Variants in TMBIM1 observed in about 807,000 individuals in gnomAD.
TMBIM1 encodes the protein transmembrane BAX inhibitor motif containing 1.
Under a neutral mutation model 45.1 loss-of-function variants are expected in TMBIM1, and 34 were observed. The observed-to-expected ratio is 0.75, with a 90% CI of 0.57 to 1.00. The LOEUF (loss-of-function observed/expected upper bound fraction) is 1.00, where lower values mean the gene tolerates loss of function less well. Ranked by LOEUF, TMBIM1 falls within the 50% of genes least tolerant of loss-of-function variation. The pLI is 0.00. For synonymous variants in TMBIM1, 157 were observed against 153.5 expected (o/e 1.02, Z -0.17); for missense variants, 374 against 402.4 (o/e 0.93, Z 0.60).
At chr2:218,279,979 C>A in intron 3 of TMBIM1, 47 bp downstream of exon 3, 1 of 1,484,078 alleles carries the variant, frequency 6.7e-7, no homozygotes, top group Non-Finnish European at 9.4e-7. Flanking sequence ...CCCATTCCCA[C>A]AGCCTGAGGG....
In TMBIM1 at chr2:218,282,097, G is replaced by A. The variant is rs1260302205; in HGVS notation, c.45C>T (p.Pro15=). Residue 15 remains proline, a synonymous_variant, in exon 2 of 12, where the codon CCC becomes CCT. Transcript: ENST00000258412. ...SAPPPYEDRN[P]LYPGPPPPGG... is the part of the protein sequence containing the mutation. ...CAGGGGGCGGAGGGCCTGGGTACAG[G>A]GGGTTGCGGTCTTCATATGGTGGTG... The A allele has an allele frequency of 1.9e-6, 3 of 1,563,742 alleles. No individual in the cohort carries two copies. Among genetic ancestry groups the A allele is most frequent in the Non-Finnish European group, 2.6e-6 (3 of 1,155,938 alleles).
chr2:218,277,818 C>A, intron 7 of TMBIM1, 117 bp downstream of exon 7: 2 of 1,550,010 alleles, frequency 1.3e-6, no homozygotes, highest in South Asian at 1.1e-5. Flanking sequence ...AACAGGCGGC[C>A]CAGATAAGGT....
At chr2:218,276,864 T>C in intron 10 of TMBIM1, 140 bp downstream of exon 10, 1 of 682,800 alleles carries the variant, frequency 1.5e-6, no homozygotes, top group Admixed American at 2.3e-5. Context: ...GCCTCCACGT[T>C]GGTGCCTTTG....
chr2:218,278,933 C>A, intron 5 of TMBIM1, 105 bp downstream of exon 5: 1 of 1,350,390 alleles, frequency 7.4e-7, no homozygotes, highest in South Asian at 1.3e-5. Flanking sequence ...ACTTGGGGGC[C>A]CTCTCAAAAA....
At chr2:218,276,551 A>G (rs1055594836) in intron 10 of TMBIM1, among the ~76,000 whole-genome samples, 2 of 152,170 alleles carry the variant, frequency 1.3e-5, no homozygotes, top group African/African-American at 2.4e-5. Flanking sequence ...GAGCTGGCCC[A>G]TGGGCAGGCA....
At chr2:218,278,672 G>A (rs1691522151) in intron 5 of TMBIM1, 107 bp from the exon 6 acceptor site, 2 of 1,228,730 alleles carry the variant, frequency 1.6e-6, no homozygotes, top group African/African-American at 3.0e-5. Context: ...GAAGTCTGAG[G>A]GGAAGCAACT....
intron 3 of TMBIM1, 77 bp from the exon 4 acceptor site, chr2:218,279,430 T>C: frequency 7.5e-7 from 1 of 1,337,734 alleles, no homozygotes; most frequent in East Asian, 2.5e-5. Flanking sequence ...CCCCCAGTAC[T>C]TTCCTCCCAC....
chr2:218,276,209 A>G (rs1301674521), intron 10 of TMBIM1, 130 bp from the exon 11 acceptor site: 10 of 937,830 alleles, frequency 1.1e-5, no homozygotes, highest in Non-Finnish European at 1.6e-5. Context: ...ATGAAAGGCT[A>G]CTGCCTTTCC....
At position 218,281,980 on chromosome 2, in the gene TMBIM1, T is replaced by C. The variant is rs891398692; in HGVS notation, c.162A>G (p.Pro54=). 3 of 1,605,886 alleles carry C rather than the reference T, an allele frequency of 1.9e-6. No individual in the cohort carries two copies. The highest frequency in any genetic ancestry group is 2.5e-6 in the Non-Finnish European group (3 of 1,177,320). ...QPGYGHPAGY[P]QPMPPTHPMP... is the part of the protein sequence containing the mutation. ...TCGGGTGGGTGGGGGGCATGGGCTG[T>C]GGGTAGCCAGCAGGGTGACCGTAGC... The change falls in exon 2 of 12, where the codon CCA becomes CCG. Residue 54 remains proline, a synonymous_variant. Coordinates refer to ENST00000258412, the MANE Select transcript of TMBIM1 (RefSeq NM_022152.6).
At position 218,275,595 on chromosome 2, in the gene TMBIM1, G is replaced by C. The variant is rs373791088; in HGVS notation, c.816C>G (p.Val272=). 1 of 1,613,512 alleles carries C rather than the reference G, an allele frequency of 6.2e-7. No individual in the cohort carries two copies. The highest frequency in any genetic ancestry group is 1.7e-5 in the Admixed American group (1 of 59,890). ...TGATGGTGTGCTTCCGGTTCCCCAGGACCAGCTGTGTGTCGTAAGCCAGGA... is the reference window on the plus strand; with the variant it reads ...TGATGGTGTGCTTCCGGTTCCCCAGCACCAGCTGTGTGTCGTAAGCCAGGA... ...TLFLAYDTQL[V]LGNRKHTISP... is the part of the protein sequence containing the mutation. Residue 272 remains valine (V), a synonymous_variant, in exon 12 of 12, where the codon GTC becomes GTG. Coordinates refer to ENST00000258412, the MANE Select transcript of TMBIM1 (RefSeq NM_022152.6).
In TMBIM1 at chr2:218,277,416, T is replaced by A. The variant is rs762593876; in HGVS notation, c.589A>T (p.Ile197Phe). 6.2e-7 allele frequency: 1 copy of A among 1,614,130 alleles called. No individual in the cohort carries two copies. The highest frequency in any genetic ancestry group is 1.7e-5 in the Admixed American group (1 of 60,024). ...QTKAVIIAMI[I>F]TAVVSISVTI... ...ACTGAAATGGATACCACCGCAGTGA[T>A]GATCATTGCAATGATGACGGCTTTG... The change falls in exon 9 of 12, where the codon ATC (isoleucine) becomes TTC (phenylalanine). Residue 197 changes from isoleucine (I) to phenylalanine (F), a missense_variant. By Grantham distance (21) the Ile-to-Phe change is conservative (BLOSUM62 0). Transcript: ENST00000258412.
At chr2:218,290,702 A>T (rs550731135) in intron 1 of TMBIM1, among the ~76,000 whole-genome samples, 1 of 152,180 alleles carries the variant, frequency 6.6e-6, no homozygotes, top group Non-Finnish European at 1.5e-5. Context: ...GCTCATTAAT[A>T]TCTCCCTTCC....
At position 218,274,598 on chromosome 2, in the gene TMBIM1, T is replaced by A. The variant is rs1329888694; in HGVS notation, c.*877A>T. Reference sequence around the variant, plus strand: ...CTCCCTGCCCGCACCGAGTCTCTCTTCACCCTGGCTACTTCCTGGCCACAC... The same window carrying A: ...CTCCCTGCCCGCACCGAGTCTCTCTACACCCTGGCTACTTCCTGGCCACAC... On this transcript the variant is annotated 3_prime_UTR_variant, in exon 12 of 12. Transcript: ENST00000258412. 2.6e-5 allele frequency: 4 copies of A among 155,328 alleles called. No homozygotes were observed. Among genetic ancestry groups the A allele is most frequent in the African/African-American group, 9.6e-5 (4 of 41,486 alleles). The allele number at this position is 155,328 out of a possible 1,614,324, so 9.6% of individuals were successfully genotyped here. A position where few individuals can be genotyped will look rare whatever the true frequency, so the allele number is the denominator to read the frequency against.
At chr2:218,276,767 C>G (rs931320953) in intron 10 of TMBIM1, among the ~76,000 whole-genome samples, 1 of 152,122 alleles carries the variant, frequency 6.6e-6, no homozygotes, top group Non-Finnish European at 1.5e-5. Context: ...CCTAGGAGTG[C>G]AGTGATGCAG....
intron 1 of TMBIM1, among the ~76,000 whole-genome samples, chr2:218,282,778 A>G (rs1692157106): frequency 6.6e-6 from 1 of 152,228 alleles, no homozygotes; most frequent in Non-Finnish European, 1.5e-5. Context: ...CCCGGGGGCC[A>G]GTGGCAGGCT....
chr2:218,287,203 T>C (rs13031757), intron 1 of TMBIM1: 53,436 of 151,928 alleles, frequency 0.35, 9,827 homozygotes, highest in Middle Eastern at 0.5. Flanking sequence ...ACTTTGGATC[T>C]CACCTGGTCA....
chr2:218,277,685 G>A lies in TMBIM1; in HGVS notation c.514-15C>T. 1.2e-6 allele frequency: 2 copies of A among 1,614,156 alleles called. No individual in the cohort carries two copies. Among genetic ancestry groups the A allele is most frequent in the Non-Finnish European group, 1.7e-6 (2 of 1,180,008 alleles). Reference sequence around the variant, plus strand: ...ATGGCAAAAGTCTAAGGGAAGGAGAGAGACAAGAATGAAACACTTAAAAAG... The same window carrying A: ...ATGGCAAAAGTCTAAGGGAAGGAGAAAGACAAGAATGAAACACTTAAAAAG... On this transcript the variant is annotated splice_polypyrimidine_tract_variant and intron_variant, in intron 7 of 11. Transcript: ENST00000258412.
intron 2 of TMBIM1, 114 bp from the exon 3 acceptor site, chr2:218,280,240 A>G (rs572366450): frequency 1.2e-5 from 9 of 778,512 alleles, no homozygotes; most frequent in East Asian, 5.2e-5. Flanking sequence ...GACAAGTGTT[A>G]TAACAGGAAC....
At position 218,282,093 on chromosome 2, in the gene TMBIM1, A is replaced by AC; in HGVS notation, c.48dup (p.Tyr17ValfsTer58). 1 of 1,576,046 alleles carries AC rather than the reference A, an allele frequency of 6.3e-7. No homozygotes were observed. Among genetic ancestry groups the AC allele is most frequent in the Non-Finnish European group, 8.6e-7 (1 of 1,161,878 alleles). On this transcript the variant is annotated frameshift_variant, in exon 2 of 12. Coordinates refer to ENST00000258412, the MANE Select transcript of TMBIM1 (RefSeq NM_022152.6). LOFTEE classifies it high-confidence loss of function. ...CCCCCAGGGGGCGGAGGGCCTGGGT[A>AC]CAGGGGGTTGCGGTCTTCATATGGT... is the stretch of plus-strand genomic sequence containing the variant.
Sources: gnomAD v4.1 joint callset for allele counts (sites outside exome capture counted in the v4.1 genomes callset) on GRCh38, gnomAD v4.1.1 for gene constraint, MANE v1.5 for transcripts, NCBI Gene and HGNC (gene_info 2026-07-23, HGNC 2026-07-21) for gene names.